The following ARHGEF12 variants were observed in gnomAD, a reference collection of about 807,000 sequenced individuals.
ARHGEF12 encodes KMT2A/ARHGEF12 fusion protein.
In ARHGEF12, 66 loss-of-function variants were observed where a neutral mutation model predicts 211.2. The ratio of observed to expected loss-of-function variants is 0.31; its 90% CI spans 0.26 to 0.38. The LOEUF is 0.38. ARHGEF12 is among the 10% of genes least tolerant of loss of function. The pLI is 1.00. For synonymous variants in ARHGEF12, 592 were observed against 638.4 expected, an observed-to-expected ratio of 0.93 and a Z score of 1.09; for missense variants, 1,429 against 1,869.5, an observed-to-expected ratio of 0.76 and a Z score of 4.34.
rs1947437512 is a variant in ARHGEF12 at position 120,487,922 on chromosome 11, GGACTGCTT to G, written c.*2848_*2855del. 1 of 220,320 alleles carries G rather than the reference GGACTGCTT, an allele frequency of 4.5e-6. No individual in the cohort carries two copies. Among genetic ancestry groups the G allele is most frequent in the African/African-American group, 2.2e-5 (1 of 44,602 alleles). The allele number at this position is 220,320 out of a possible 1,614,324, so 13.6% of individuals were successfully genotyped here. On this transcript the variant is annotated 3_prime_UTR_variant, in exon 41 of 41. Coordinates refer to ENST00000397843, the MANE Select transcript of ARHGEF12 (RefSeq NM_015313.3). ...TGCATACTTTAAAATCACCTAACTT[GGACTGCTT>G]GAATTACATTGGCTTTTAGAACCGA... is the stretch of plus-strand genomic sequence containing the variant.
chr11:120,420,190 G>GAACT (rs1205742199), intron 4 of ARHGEF12, among the ~76,000 whole-genome samples: 1 of 152,022 alleles, frequency 6.6e-6, no homozygotes, highest in Non-Finnish European at 1.5e-5. Context: ...TCTTCCCCCT[G>GAACT]AACTCTTCCT....
At chr11:120,461,610 G>A (rs1946533894) in intron 27 of ARHGEF12, among the ~76,000 whole-genome samples, 1 of 152,188 alleles carries the variant, frequency 6.6e-6, no homozygotes, top group African/African-American at 2.4e-5. Context: ...GCTGAAGTCA[G>A]ACATTGATTT....
At chr11:120,440,980 T>C (rs373725534) in intron 13 of ARHGEF12, among the ~76,000 whole-genome samples, 1 of 152,154 alleles carries the variant, frequency 6.6e-6, no homozygotes, top group African/African-American at 2.4e-5. Context: ...TGGTAAGTTA[T>C]GTTGATTGAT....
chr11:120,348,961 A>G (rs1942852732), intron 1 of ARHGEF12, among the ~76,000 whole-genome samples: 2 of 152,258 alleles, frequency 1.3e-5, no homozygotes, highest in Admixed American at 1.3e-4. Context: ...ATGTATATGT[A>G]AATGTTCCAA....
Position 120,481,364 on chromosome 11 carries a change from G to A in ARHGEF12, c.4342G>A (p.Val1448Met). The change falls in exon 39 of 41, where the codon GTG (valine) becomes ATG (methionine). Residue 1448 changes from valine (V) to methionine (M), a missense_variant. Around this residue, in one of 7 missense-constraint regions of ARHGEF12, gnomAD observed 467 missense variants for 468.4 expected, o/e 1.00. Coordinates refer to ENST00000397843, the MANE Select transcript of ARHGEF12 (RefSeq NM_015313.3). ...TLQPMTGIPAVESTHQQQHSP... is the reference protein window; with the variant it reads ...TLQPMTGIPAMESTHQQQHSP... The stretch of plus-strand genomic sequence containing the variant: ...GCAGCCCATGACAGGCATCCCTGCT[G>A]TGGAATCCACCCACCAGCAGCAACA... The A allele has an allele frequency of 6.2e-7, 1 of 1,614,158 alleles. No individual in the cohort carries two copies. Among genetic ancestry groups the A allele is most frequent in the Non-Finnish European group, 8.5e-7 (1 of 1,180,038 alleles).
intron 1 of ARHGEF12, among the ~76,000 whole-genome samples, chr11:120,345,715 A>AC (rs961801254): frequency 1.3e-5 from 2 of 151,486 alleles, no homozygotes; most frequent in Non-Finnish European, 2.9e-5. Flanking sequence ...AAAAAAAAAA[A>AC]AAAAAACGAA....
intron 1 of ARHGEF12, among the ~76,000 whole-genome samples, chr11:120,404,560 C>T (rs1363516388): frequency 1.3e-5 from 2 of 152,032 alleles, no homozygotes; most frequent in Non-Finnish European, 2.9e-5. Context: ...GTTTTTGTCC[C>T]CATTTTTCCT....
chr11:120,342,273 C>T (rs1200418997), intron 1 of ARHGEF12, among the ~76,000 whole-genome samples: 2 of 152,164 alleles, frequency 1.3e-5, no homozygotes, highest in African/African-American at 4.8e-5. Context: ...TTAAATATCT[C>T]TTGAGGATAA....
intron 11 of ARHGEF12, among the ~76,000 whole-genome samples, chr11:120,436,123 G>T (rs1945686816): frequency 6.6e-6 from 1 of 152,026 alleles, no homozygotes; most frequent in Non-Finnish European, 1.5e-5. Flanking sequence ...GTAATATTTT[G>T]AACTCATAGA....
At chr11:120,477,575 A>G in intron 36 of ARHGEF12, 49 bp downstream of exon 36, 1 of 1,554,058 alleles carries the variant, frequency 6.4e-7, no homozygotes, top group Non-Finnish European at 8.8e-7. Context: ...ATTATCTGTT[A>G]AAATGCTGGC....
At position 120,478,142 on chromosome 11, in the gene ARHGEF12, A is replaced by G. The variant is rs748414555; in HGVS notation, c.3533-14A>G. On this transcript the variant is annotated splice_polypyrimidine_tract_variant and intron_variant, in intron 36 of 40. Transcript: ENST00000397843. ...TGTTTAGATATAGTCTACCTTTTCT[A>G]TTCCATTGGACAGACAGAGATTTGG... 8.9e-6 allele frequency: 14 copies of G among 1,574,820 alleles called. No individual in the cohort carries two copies. The Admixed American group carries it at 1.3e-4, about 15-fold the overall frequency.
intron 1 of ARHGEF12, among the ~76,000 whole-genome samples, chr11:120,348,744 G>A (rs1459224238): frequency 6.6e-6 from 1 of 152,168 alleles, no homozygotes; most frequent in Non-Finnish European, 1.5e-5. Flanking sequence ...GGGAGGCTGA[G>A]GCAGGAGAAT....
chr11:120,409,478 G>T, intron 4 of ARHGEF12, 28 bp downstream of exon 4: 1 of 1,607,870 alleles, frequency 6.2e-7, no homozygotes, highest in African/African-American at 1.3e-5. Flanking sequence ...ATTCAGCCTT[G>T]CCCTTTGGAG....
intron 3 of ARHGEF12, 51 bp from the exon 4 acceptor site, chr11:120,409,343 A>G (rs753329692): frequency 3.2e-6 from 5 of 1,585,226 alleles, no homozygotes; most frequent in Non-Finnish European, 1.7e-6. Context: ...TTCCCCTTAC[A>G]TTGTCTCCAT....
intron 37 of ARHGEF12, among the ~76,000 whole-genome samples, 173 bp from the exon 38 acceptor site, chr11:120,479,787 A>AATGATTGTATGAAGTAAG (rs1947172823): frequency 6.6e-6 from 1 of 152,232 alleles, no homozygotes; most frequent in African/African-American, 2.4e-5. Context: ...CAAAATGGAA[A>AATGATTGTATGAAGTAAG]ATGATTGTAT....
At chr11:120,348,038 A>C (rs1004488312) in intron 1 of ARHGEF12, among the ~76,000 whole-genome samples, 1 of 152,212 alleles carries the variant, frequency 6.6e-6, no homozygotes, top group Non-Finnish European at 1.5e-5. Context: ...AGACACTTAT[A>C]TTAAAGTAGT....
intron 6 of ARHGEF12, among the ~76,000 whole-genome samples, chr11:120,422,879 T>C (rs1204425770): frequency 6.6e-6 from 1 of 152,202 alleles, no homozygotes; most frequent in Non-Finnish European, 1.5e-5. Context: ...AGATTTTGAA[T>C]TCAGATCAGT....
chr11:120,337,939 A>G, intron 1 of ARHGEF12: 2 of 979,346 alleles, frequency 2.0e-6, no homozygotes, highest in Non-Finnish European at 2.4e-6. Context: ...TTGGCGTTTA[A>G]GAGATATAAG....
chr11:120,467,407 A>T, intron 29 of ARHGEF12, 99 bp downstream of exon 29: 9 of 513,214 alleles, frequency 1.8e-5, no homozygotes, highest in East Asian at 3.8e-5. Context: ...ATGGAGTTGG[A>T]TTTCCAAATA....
Sources: allele counts gnomAD v4.1 joint callset (sites outside exome capture counted in the v4.1 genomes callset), GRCh38; gene constraint gnomAD v4.1.1; regional missense constraint gnomAD v4.1.1; transcripts MANE v1.5; gene names NCBI Gene and HGNC (gene_info 2026-07-23, HGNC 2026-07-21).